Variants in SHANK2 observed in about 807,000 individuals in gnomAD.
SHANK2 encodes SH3 and multiple ankyrin repeat domains protein 2.
SHANK2 carries 43 observed loss-of-function variants against 133.7 expected under a neutral mutation model. That is an observed-to-expected ratio of 0.32 (90% confidence interval 0.25 to 0.41). SHANK2 has a LOEUF of 0.41. Among genes scored for constraint, SHANK2 ranks in the 10% least tolerant of loss-of-function variants. The pLI is 1.00. For synonymous variants in SHANK2, 1,017 were observed against 952.8 expected, an observed-to-expected ratio of 1.07 and a Z score of -1.24; for missense variants, 1,994 against 2,235.8, an observed-to-expected ratio of 0.89 and a Z score of 2.18.
At chr11:71,086,869 T>C (rs959688673) in intron 8 of SHANK2, among the ~76,000 whole-genome samples, 1 of 152,210 alleles carries the variant, frequency 6.6e-6, no homozygotes, top group African/African-American at 2.4e-5. Context: ...TGCAGATGAA[T>C]GAGAGGAGGC....
chr11:70,925,456 C>T (rs1950414808), intron 10 of SHANK2, among the ~76,000 whole-genome samples: 1 of 152,162 alleles, frequency 6.6e-6, no homozygotes, highest in Non-Finnish European at 1.5e-5. Flanking sequence ...GTGCCTGGTG[C>T]CCCACCCCAT....
At chr11:71,134,443 T>C (rs1952397804) in intron 3 of SHANK2, among the ~76,000 whole-genome samples, 1 of 121,694 alleles carries the variant, frequency 8.2e-6, no homozygotes, top group African/African-American at 5.7e-5. Flanking sequence ...ATCTCAATTT[T>C]TTTTTTTTTT....
intron 17 of SHANK2, among the ~76,000 whole-genome samples, chr11:70,613,930 A>T (rs575623327): frequency 2.0e-5 from 3 of 151,972 alleles, no homozygotes; most frequent in South Asian, 2.1e-4. Context: ...ATGCCCAGCT[A>T]ATTTTTGCAT....
At chr11:70,605,877 G>T in intron 17 of SHANK2, among the ~76,000 whole-genome samples, 1 of 152,148 alleles carries the variant, frequency 6.6e-6, no homozygotes, top group East Asian at 1.9e-4. Context: ...GGATTTAGGG[G>T]CCTGAAGCCA....
chr11:70,582,224 T>C (rs2060193629), intron 17 of SHANK2, among the ~76,000 whole-genome samples: 1 of 152,210 alleles, frequency 6.6e-6, no homozygotes, highest in African/African-American at 2.4e-5. Context: ...ATCCTCATGA[T>C]GAGAAGGGGC....
intron 11 of SHANK2, chr11:70,863,848 C>T (rs781898497): frequency 1.5e-4 from 67 of 457,698 alleles, no homozygotes; most frequent in Middle Eastern, 6.5e-4. Context: ...GTGAGGATGA[C>T]GACAGCCACC....
At chr11:71,212,532 T>C (rs1277289699) in intron 2 of SHANK2, among the ~76,000 whole-genome samples, 1 of 152,240 alleles carries the variant, frequency 6.6e-6, no homozygotes, top group Non-Finnish European at 1.5e-5. Context: ...ATCATGTGGC[T>C]GTTTCCAGGG....
At chr11:70,588,830 T>G (rs553502163) in intron 17 of SHANK2, among the ~76,000 whole-genome samples, 2 of 152,222 alleles carry the variant, frequency 1.3e-5, no homozygotes, top group South Asian at 4.2e-4. Flanking sequence ...ACATCCTTCT[T>G]TTTTTGAGAT....
intron 17 of SHANK2, among the ~76,000 whole-genome samples, chr11:70,616,828 T>C (rs1277248013): frequency 6.6e-6 from 1 of 151,974 alleles, no homozygotes; most frequent in Non-Finnish European, 1.5e-5. Context: ...GAGGGGAGCC[T>C]GCGGGGCGTC....
At chr11:70,558,928 G>A (rs746070993) in intron 17 of SHANK2, among the ~76,000 whole-genome samples, 4 of 152,254 alleles carry the variant, frequency 2.6e-5, no homozygotes, top group African/African-American at 4.8e-5. Flanking sequence ...ACGGAAGAGA[G>A]ATGTGCTCGG....
intron 11 of SHANK2, among the ~76,000 whole-genome samples, chr11:70,872,585 G>A (rs570679412): frequency 2.6e-5 from 4 of 151,976 alleles, no homozygotes; most frequent in African/African-American, 9.6e-5. Context: ...GGAATAGGGG[G>A]CCCCCATACA....
At position 70,873,310 on chromosome 11, in the gene SHANK2, G is replaced by A. The variant is rs61885505; in HGVS notation, c.1174+23191C>T. Among the ~76,000 whole-genome samples the A allele has an allele frequency of 4.1e-3, 620 of 152,358 alleles. 2 individuals are homozygous for A. The highest frequency in any genetic ancestry group is 0.01 in the Middle Eastern group (3 of 294). ...AGGAAGAGGAGGGCAGGTGAGAGCT[G>A]ACAAGGTCGAGACTTGCAGGGCTTC... On this transcript the variant is annotated intron_variant, in intron 11 of 25. Transcript: ENST00000601538.
chr11:70,928,550 G>A (rs1950460038), intron 10 of SHANK2, among the ~76,000 whole-genome samples: 1 of 152,294 alleles, frequency 6.6e-6, no homozygotes, highest in African/African-American at 2.4e-5. Context: ...CAGGGCCTCA[G>A]AATGGAGGAA....
chr11:70,872,085 T>C (rs532664786), intron 11 of SHANK2, among the ~76,000 whole-genome samples: 1 of 152,260 alleles, frequency 6.6e-6, no homozygotes, highest in Non-Finnish European at 1.5e-5. Flanking sequence ...GCCTGTTACG[T>C]CACACCGCCA....
At chr11:71,204,415 C>T (rs1954086404) in intron 2 of SHANK2, among the ~76,000 whole-genome samples, 2 of 152,094 alleles carry the variant, frequency 1.3e-5, no homozygotes, top group African/African-American at 4.8e-5. Context: ...TCTGCGCTGC[C>T]TCTGTAAAGT....
intron 17 of SHANK2, among the ~76,000 whole-genome samples, chr11:70,597,549 T>C (rs2060418325): frequency 6.6e-6 from 1 of 152,144 alleles, no homozygotes; most frequent in Admixed American, 6.5e-5. Context: ...AAAGTCCTCA[T>C]GGGACTTCTG....
chr11:70,830,076 T>C lies in SHANK2; in HGVS notation c.1175-9394A>G, dbSNP rs184772423. Among the ~76,000 whole-genome samples, 1 of 152,276 alleles carries C rather than the reference T, an allele frequency of 6.6e-6. No homozygotes were observed. The highest frequency in any genetic ancestry group is 1.9e-4 in the East Asian group (1 of 5,170). On this transcript the variant is annotated intron_variant, in intron 11 of 25. Coordinates refer to ENST00000601538, the MANE Select transcript of SHANK2 (RefSeq NM_012309.5). The surrounding 1 kb of genome is among the most constrained non-coding windows in gnomAD (Gnocchi z 4.4). ...CCCTTCCCTGGTGGGTGCAGACCAC[T>C]TCCTCATTTGCCAAGAAGTCTGGCG...
intron 1 of SHANK2, among the ~76,000 whole-genome samples, chr11:71,241,605 G>C (rs1180634737): frequency 6.6e-6 from 1 of 152,242 alleles, no homozygotes; most frequent in Non-Finnish European, 1.5e-5. Flanking sequence ...TCTGGTCCCT[G>C]TTTTTCTTGG....
At chr11:70,519,938 A>G (rs1188713621) in intron 17 of SHANK2, among the ~76,000 whole-genome samples, 2 of 146,492 alleles carry the variant, frequency 1.4e-5, no homozygotes, top group African/African-American at 5.1e-5. Flanking sequence ...TTTAAAGGCA[A>G]GGTCTCACCA....
Sources: allele counts gnomAD v4.1 joint callset (sites outside exome capture counted in the v4.1 genomes callset), GRCh38; gene constraint gnomAD v4.1.1; non-coding constraint Gnocchi (gnomAD v3.1); transcripts MANE v1.5; gene names NCBI Gene and HGNC (gene_info 2026-07-23, HGNC 2026-07-21).